The following NCF2 variants were observed in gnomAD, a reference collection of about 807,000 sequenced individuals.
NCF2 encodes neutrophil cytosol factor 2.
Under a neutral mutation model 70.9 loss-of-function variants are expected in NCF2, and 45 were observed. That is an observed-to-expected ratio of 0.63 (90% CI 0.50 to 0.81). NCF2 has a LOEUF of 0.81. Among genes scored for constraint, NCF2 ranks in the 40% least tolerant of loss-of-function variants. The probability of loss-of-function intolerance (pLI) is 0.00; values close to 1 mark genes in which losing one functional copy is unlikely to be tolerated. For synonymous variants in NCF2, 203 were observed against 233.6 expected (o/e 0.87, Z 1.19); for missense variants, 522 against 631.6 (o/e 0.83, Z 1.86).
At chr1:183,595,508 C>T (rs369531484), upstream of NCF2, among the ~76,000 whole-genome samples, 50 of 152,266 alleles carry the variant, frequency 3.3e-4, 2 homozygotes, top group South Asian at 0.01. Context: ...CTTAGTTGGG[C>T]CCTGTGCTCA....
At chr1:183,577,794 A>T in intron 2 of NCF2, 87 bp from the exon 3 acceptor site, 2 of 983,378 alleles carry the variant, frequency 2.0e-6, no homozygotes, top group East Asian at 2.4e-5. Context: ...TCCCTTCCCC[A>T]TCTATTTCAC....
chr1:183,562,528 C>T lies in NCF2; in HGVS notation c.1290+667G>A, dbSNP rs16861162. 4.4e-3 allele frequency among the ~76,000 whole-genome samples: 669 copies of T among 152,224 alleles called. 3 individuals are homozygous for T. The highest frequency in any genetic ancestry group is 0.015 in the African/African-American group (643 of 41,532). On this transcript the variant is annotated intron_variant, in intron 13 of 14. Coordinates refer to ENST00000367535, the MANE Select transcript of NCF2 (RefSeq NM_000433.4). ...TACCTTAAACAGCTTTATACACTGCCCTTTTCTAGGCTCATTCTCTTTCAC... is the reference window on the plus strand; with the variant it reads ...TACCTTAAACAGCTTTATACACTGCTCTTTTCTAGGCTCATTCTCTTTCAC...
At chr1:183,600,303 T>C in the NCF2 span, among the ~76,000 whole-genome samples, 2 of 152,218 alleles carry the variant, frequency 1.3e-5, no homozygotes, top group African/African-American at 2.4e-5. Flanking sequence ...AACAAAATCA[T>C]GTGGTTGCCA....
chr1:183,599,411 T>TTTCTTTCC, the NCF2 span, among the ~76,000 whole-genome samples: 15 of 132,746 alleles, frequency 1.1e-4, no homozygotes, highest in Middle Eastern at 3.7e-3. Context: ...TTTTTCTTTC[T>TTTCTTTCC]TTCTTTCTTT....
chr1:183,587,500 A>G (rs539703702), intron 1 of NCF2, among the ~76,000 whole-genome samples: 1 of 144,022 alleles, frequency 6.9e-6, no homozygotes, highest in East Asian at 2.3e-4. Flanking sequence ...GGACTGAGGT[A>G]GGTCAATCGC....
At chr1:183,566,322 G>A (rs1672297242) in intron 9 of NCF2, among the ~76,000 whole-genome samples, 2 of 152,218 alleles carry the variant, frequency 1.3e-5, no homozygotes, top group African/African-American at 4.8e-5. Context: ...ACAGACTTTT[G>A]AAGTGTGAGG....
chr1:183,599,440 T>TTCTTTCTTTC, the NCF2 span, among the ~76,000 whole-genome samples: 2 of 99,162 alleles, frequency 2.0e-5, no homozygotes, highest in Admixed American at 1.2e-4. Context: ...CTTTCTTTCT[T>TTCTTTCTTTC]TCTTTCTTTC....
At chr1:183,595,129 A>G (rs1383096284), upstream of NCF2, among the ~76,000 whole-genome samples, 1 of 152,250 alleles carries the variant, frequency 6.6e-6, no homozygotes, top group Non-Finnish European at 1.5e-5. Context: ...AGTGAGGTAC[A>G]TTTAGACTAG....
chr1:183,575,240 C>A (rs140189189), intron 3 of NCF2, among the ~76,000 whole-genome samples: 1 of 152,298 alleles, frequency 6.6e-6, no homozygotes, highest in African/African-American at 2.4e-5. Context: ...GAGGCCAAGG[C>A]GGGTGAATCA....
intron 2 of NCF2, among the ~76,000 whole-genome samples, chr1:183,580,205 C>G (rs1672997372): frequency 6.6e-6 from 1 of 152,188 alleles, no homozygotes; most frequent in Admixed American, 6.5e-5. Context: ...GGATGGCTTT[C>G]TCTAGTATCC....
the NCF2 span, among the ~76,000 whole-genome samples, chr1:183,599,869 G>T: frequency 5.7e-4 from 87 of 151,946 alleles, no homozygotes; most frequent in African/African-American, 2.1e-3. Context: ...TTCTTTTTTT[G>T]AGAGGATTTT....
intron 2 of NCF2, among the ~76,000 whole-genome samples, chr1:183,582,462 T>C (rs529212845): frequency 6.6e-6 from 1 of 152,330 alleles, no homozygotes; most frequent in African/African-American, 2.4e-5. Flanking sequence ...GCTCCAGGCT[T>C]GAGAGAGTTT....
chr1:183,587,543 G>T (rs1363631685), intron 1 of NCF2, among the ~76,000 whole-genome samples: 1 of 137,162 alleles, frequency 7.3e-6, no homozygotes, highest in African/African-American at 2.7e-5. Flanking sequence ...GCCGTGAGCT[G>T]TGACGGCACC....
chr1:183,601,377 G>A, the NCF2 span, among the ~76,000 whole-genome samples: 1 of 152,160 alleles, frequency 6.6e-6, no homozygotes, highest in Admixed American at 6.5e-5. Flanking sequence ...ATCATATTGT[G>A]AGGAATGTTC....
intron 3 of NCF2, 77 bp from the exon 4 acceptor site, chr1:183,574,698 C>CT: frequency 6.5e-7 from 1 of 1,550,076 alleles, no homozygotes; most frequent in Non-Finnish European, 8.9e-7. Flanking sequence ...CACACGTATA[C>CT]TCTGAGAATG....
chr1:183,593,451 T>G (rs1558111619), upstream of NCF2, among the ~76,000 whole-genome samples: 1 of 152,136 alleles, frequency 6.6e-6, no homozygotes, highest in Admixed American at 6.6e-5. Flanking sequence ...GGAAGCCCCC[T>G]GCCTGCTGCC....
At chr1:183,563,049 A>T in intron 13 of NCF2, 146 bp downstream of exon 13, 1 of 749,532 alleles carries the variant, frequency 1.3e-6, no homozygotes, top group Non-Finnish European at 2.3e-6. Flanking sequence ...TGCAGGTAAA[A>T]GGGAGGCAGA....
chr1:183,563,296 G>C lies in NCF2; in HGVS notation c.1189C>G (p.Arg397Gly). 1 of 1,614,092 alleles carries C rather than the reference G, an allele frequency of 6.2e-7. No homozygotes were observed. Among genetic ancestry groups the C allele is most frequent in the Non-Finnish European group, 8.5e-7 (1 of 1,180,026 alleles). Residue 397 changes from arginine to glycine, a missense_variant, in exon 13 of 15, where the codon CGG becomes GGG. Coordinates refer to ENST00000367535, the MANE Select transcript of NCF2 (RefSeq NM_000433.4). Reference protein sequence around the residue: ...LEHTKLSYRPRDSNELVPLSE... With the variant: ...LEHTKLSYRPGDSNELVPLSE... ...AGGGGCACCAGCTCATTGCTGTCCC[G>C]AGGCCGATAGCTGGGTGGGGATAAT...
At chr1:183,575,350 A>G (rs376021881) in intron 3 of NCF2, among the ~76,000 whole-genome samples, 1 of 152,184 alleles carries the variant, frequency 6.6e-6, no homozygotes, top group Admixed American at 6.5e-5. Flanking sequence ...GGCACCTGTA[A>G]TCTCAGCTAC....
Sources: allele counts gnomAD v4.1 joint callset (sites outside exome capture counted in the v4.1 genomes callset), GRCh38; gene constraint gnomAD v4.1.1; transcripts MANE v1.5; gene names NCBI Gene and HGNC (gene_info 2026-07-23, HGNC 2026-07-21).